Variants in NAALADL2 observed in about 807,000 individuals in gnomAD.
The protein encoded by NAALADL2 is inactive N-acetylated-alpha-linked acidic dipeptidase-like protein 2.
In NAALADL2, 76 loss-of-function variants were observed where a neutral mutation model predicts 87.2. The observed-to-expected ratio is 0.87, with a 90% CI of 0.72 to 1.05. The LOEUF (loss-of-function observed/expected upper bound fraction) is 1.05, where lower values mean the gene tolerates loss of function less well. Among genes scored for constraint, NAALADL2 ranks in the 50% least tolerant of loss-of-function variants. The pLI, the probability that NAALADL2 is intolerant of heterozygous loss-of-function variation, is 0.00. For synonymous variants in NAALADL2, 354 were observed against 331.0 expected (o/e 1.07, Z -0.75); for missense variants, 1,089 against 945.8 (o/e 1.15, Z -1.99).
chr3:175,160,397 G>A (rs1354181839), intron 2 of NAALADL2, among the ~76,000 whole-genome samples: 6 of 60,108 alleles, frequency 1.0e-4, no homozygotes, highest in African/African-American at 3.7e-4. Context: ...TTGAGTTAGA[G>A]GTTTGCTCTT....
At chr3:175,285,008 A>G (rs1237880654) in intron 4 of NAALADL2, among the ~76,000 whole-genome samples, 1 of 152,160 alleles carries the variant, frequency 6.6e-6, no homozygotes, top group African/African-American at 2.4e-5. Flanking sequence ...TCCAGCTTCT[A>G]TGGGATACTT....
At chr3:174,642,598 C>T (rs1406860966) in intron 2 of NAALADL2, among the ~76,000 whole-genome samples, 2 of 151,262 alleles carry the variant, frequency 1.3e-5, no homozygotes, top group Non-Finnish European at 2.9e-5. Flanking sequence ...ACAGTGTACA[C>T]TACTAGCTCC....
chr3:175,335,171 A>G (rs1349564373), intron 5 of NAALADL2, among the ~76,000 whole-genome samples: 2 of 152,186 alleles, frequency 1.3e-5, no homozygotes, highest in Non-Finnish European at 2.9e-5. Context: ...GCTGTCCAAT[A>G]TGATAGCCAC....
rs190887149 is a variant in NAALADL2 at position 174,789,019 on chromosome 3, C to T, written c.-9+51273C>T. Among the ~76,000 whole-genome samples, 20 of 152,312 alleles carry T rather than the reference C, an allele frequency of 1.3e-4. No homozygotes were observed. The East Asian group carries it at 3.5e-3, about 26-fold the overall frequency. On this transcript the variant is annotated intron_variant, in intron 3 of 3. Coordinates refer to the NAALADL2 transcript ENST00000434257. The stretch of plus-strand genomic sequence containing the variant: ...GAGGTCACTAATGGAGGAACTAGGT[C>T]TTCGATAGAACGATTTTAATAGCCT...
intron 4 of NAALADL2, among the ~76,000 whole-genome samples, chr3:175,314,647 C>A (rs1758818692): frequency 2.7e-5 from 2 of 75,360 alleles, no homozygotes; most frequent in Admixed American, 1.7e-4. Context: ...TTAGCGTTTT[C>A]TAGTATATAT....
chr3:174,927,957 G>T (rs1271572672), intron 1 of NAALADL2, among the ~76,000 whole-genome samples: 1 of 152,102 alleles, frequency 6.6e-6, no homozygotes, highest in Non-Finnish European at 1.5e-5. Context: ...TTTTCATAGT[G>T]AGCACACAGG....
At chr3:175,766,219 A>G (rs1036670337) in intron 13 of NAALADL2, among the ~76,000 whole-genome samples, 1 of 152,254 alleles carries the variant, frequency 6.6e-6, no homozygotes, top group Non-Finnish European at 1.5e-5. Flanking sequence ...AATAGTGTCT[A>G]TCCCTTCATG....
chr3:174,681,989 A>C (rs914154808), intron 2 of NAALADL2, among the ~76,000 whole-genome samples: 8 of 152,120 alleles, frequency 5.3e-5, no homozygotes, highest in Non-Finnish European at 1.0e-4. Context: ...TGTGAACATA[A>C]GTGGTAGCCA....
At chr3:174,455,490 C>A (rs1223701385) in intron 1 of NAALADL2, among the ~76,000 whole-genome samples, 1 of 152,096 alleles carries the variant, frequency 6.6e-6, no homozygotes, top group Non-Finnish European at 1.5e-5. Flanking sequence ...AAAATACTGA[C>A]AGAGTATAGC....
At chr3:175,740,663 A>G (rs927785830) in intron 12 of NAALADL2, among the ~76,000 whole-genome samples, 4 of 152,222 alleles carry the variant, frequency 2.6e-5, no homozygotes, top group African/African-American at 9.7e-5. Context: ...ATCCTTTATC[A>G]CAAACCCTTA....
intron 2 of NAALADL2, among the ~76,000 whole-genome samples, chr3:174,647,848 G>C (rs3928247): frequency 0.32 from 49,111 of 152,066 alleles, 8,492 homozygotes; most frequent in East Asian, 0.59. Context: ...ATGCAAAGAA[G>C]AACATCATAT....
rs1333233966 is a variant in NAALADL2 at position 174,908,572 on chromosome 3, AAAAC to A, written c.43+49126_43+49129del. Among the ~76,000 whole-genome samples, 30 of 152,218 alleles carry A rather than the reference AAAAC, an allele frequency of 2.0e-4. 1 individual carries two copies. Among genetic ancestry groups the A allele is most frequent in the African/African-American group, 7.0e-4 (29 of 41,512 alleles). On this transcript the variant is annotated intron_variant, in intron 1 of 13. Coordinates refer to ENST00000454872, the MANE Select transcript of NAALADL2 (RefSeq NM_207015.3). ...TGTGCGGGTATATCTAATGAAGAGA[AAAAC>A]AAAGTGATGGAGAAGGAATTTCTAA...
chr3:175,717,799 G>A (rs1741541442), intron 11 of NAALADL2, among the ~76,000 whole-genome samples: 2 of 148,232 alleles, frequency 1.3e-5, no homozygotes, highest in Non-Finnish European at 3.0e-5. Context: ...CCTCAAGAGA[G>A]CAGATTTTTT....
intron 3 of NAALADL2, among the ~76,000 whole-genome samples, chr3:174,790,088 G>A (rs945793536): frequency 6.6e-6 from 1 of 152,214 alleles, no homozygotes; most frequent in African/African-American, 2.4e-5. Flanking sequence ...GAGGGTCTAA[G>A]ACAATTTTAT....
At chr3:175,258,313 G>A (rs13095232) in intron 4 of NAALADL2, among the ~76,000 whole-genome samples, 33,905 of 100,954 alleles carry the variant, frequency 0.34, 5,468 homozygotes, top group South Asian at 0.49. Flanking sequence ...CCGTCCCTCC[G>A]CCCCCACCAC....
intron 2 of NAALADL2, among the ~76,000 whole-genome samples, chr3:174,731,739 G>A (rs1732722409): frequency 6.6e-6 from 1 of 152,134 alleles, no homozygotes; most frequent in Non-Finnish European, 1.5e-5. Context: ...ACAAATTTCA[G>A]TGTGATGCTT....
rs991817283 is a variant in NAALADL2 at position 175,096,650 on chromosome 3, A to G, written c.44-140A>G. The G allele has an allele frequency of 1.6e-5, 7 of 425,140 alleles. No homozygotes were observed. In the Admixed American group the frequency reaches 2.9e-4, roughly 18 times the overall value. The allele number at this position is 425,140 out of a possible 1,614,324, so 26.3% of individuals were successfully genotyped here. On this transcript the variant is annotated intron_variant, in intron 1 of 13. Transcript: ENST00000454872. ...AATTATAAGATTAATTAAATAAAATATGAGTTTCTATAGGGAGAATTTATT... is the reference window on the plus strand; with the variant it reads ...AATTATAAGATTAATTAAATAAAATGTGAGTTTCTATAGGGAGAATTTATT...
intron 11 of NAALADL2, among the ~76,000 whole-genome samples, chr3:175,718,019 A>G (rs1741596378): frequency 1.3e-5 from 2 of 151,584 alleles, no homozygotes; most frequent in Admixed American, 6.6e-5. Context: ...AGCACAACTT[A>G]TATATTTTAA....
chr3:175,755,403 C>T lies in NAALADL2; in HGVS notation c.2174C>T (p.Pro725Leu), dbSNP rs777736846. The T allele has an allele frequency of 5.6e-6, 9 of 1,597,616 alleles. No individual in the cohort carries two copies. The African/African-American group carries it at 8.0e-5, about 14-fold the overall frequency. ...MEKSFLVKQA[P>L]PGFYRNILYH... is the part of the protein sequence containing the mutation. ...AAAAGCTTTCTGGTAAAGCAGGCAC[C>T]ACCAGGTTTTTATAGGTAGGATGCA... Residue 725 changes from proline (P) to leucine (L), a missense_variant, in exon 13 of 14, where the codon CCA (proline) becomes CTA (leucine). Coordinates refer to ENST00000454872, the MANE Select transcript of NAALADL2 (RefSeq NM_207015.3).
Sources: gnomAD v4.1 joint callset for allele counts (sites outside exome capture counted in the v4.1 genomes callset) on GRCh38, gnomAD v4.1.1 for gene constraint, MANE v1.5 for transcripts, NCBI Gene and HGNC (gene_info 2026-07-23, HGNC 2026-07-21) for gene names.